The following CAMTA1 variants were observed in gnomAD, a reference collection of about 807,000 sequenced individuals.
CAMTA1 encodes the protein calmodulin-binding transcription activator 1.
CAMTA1 carries 27 observed loss-of-function variants against 170.9 expected under a neutral mutation model. The observed-to-expected ratio is 0.16, with a 90% CI of 0.12 to 0.22. The LOEUF (loss-of-function observed/expected upper bound fraction) is 0.22, where lower values mean the gene tolerates loss of function less well. Among genes scored for constraint, CAMTA1 ranks in the 10% least tolerant of loss-of-function variants. The pLI is 1.00. For missense variants in CAMTA1, 1,619 were observed against 2,217.2 expected, an observed-to-expected ratio of 0.73 and a Z score of 5.42; for synonymous variants, 833 against 891.5, an observed-to-expected ratio of 0.93 and a Z score of 1.17.
intron 3 of CAMTA1, among the ~76,000 whole-genome samples, chr1:6,884,291 G>GACACACACACACACAC (rs112571156): frequency 2.0e-4 from 27 of 136,654 alleles, no homozygotes; most frequent in Admixed American, 1.3e-3. Flanking sequence ...ATTCTCTAGA[G>GACACACACACACACAC]ACACACACAC....
chr1:7,581,102 G>A (rs150571050), intron 6 of CAMTA1, among the ~76,000 whole-genome samples: 5 of 152,300 alleles, frequency 3.3e-5, no homozygotes, highest in Non-Finnish European at 7.4e-5. Context: ...GAGGGCCCCC[G>A]CCCCTCCTCC....
Position 7,737,320 on chromosome 1 carries a change from C to T in CAMTA1, c.3408C>T (p.Ala1136=), listed in dbSNP as rs1163318276. The T allele has an allele frequency of 3.1e-6, 5 of 1,614,100 alleles. No homozygotes were observed. The highest frequency in any genetic ancestry group is 4.2e-6 in the Non-Finnish European group (5 of 1,180,034). The change falls in exon 15 of 23, where the codon GCC becomes GCT. Residue 1136 remains alanine, a synonymous_variant. Transcript: ENST00000303635. ...AVVLYKWDRR[A]ISIPDSLGRL... ...TGCTGTACAAGTGGGACCGTCGGGC[C>T]ATCTCGATTCCCGACTCTCTAGGAA...
Position 7,407,737 on chromosome 1 carries a change from G to A in CAMTA1, c.439-60093G>A, listed in dbSNP as rs1196148994. The stretch of plus-strand genomic sequence containing the variant: ...GCAGGTCTCTGCCAGGCATGTTCAC[G>A]AGGTGCTGCTTGGTTTTAGAAGGGA... On this transcript the variant is annotated intron_variant, in intron 5 of 22. Coordinates refer to ENST00000303635, the MANE Select transcript of CAMTA1 (RefSeq NM_015215.4). Among the ~76,000 whole-genome samples the A allele has an allele frequency of 3.3e-5, 5 of 152,076 alleles. No individual in the cohort carries two copies. The East Asian group carries it at 7.8e-4, about 24-fold the overall frequency.
chr1:7,761,359 A>G (rs961187761), intron 22 of CAMTA1, among the ~76,000 whole-genome samples: 2 of 152,044 alleles, frequency 1.3e-5, no homozygotes, highest in Admixed American at 6.5e-5. Flanking sequence ...CATTGCCTCT[A>G]TGAGCTCAGG....
At chr1:6,874,188 A>T (rs1669174428) in intron 3 of CAMTA1, 1 of 152,260 alleles carries the variant, frequency 6.6e-6, no homozygotes, top group African/African-American at 2.4e-5. Flanking sequence ...GTTGAAACTG[A>T]ACCTCATCCT....
chr1:7,409,331 C>T (rs761863609), intron 5 of CAMTA1, among the ~76,000 whole-genome samples: 32 of 152,212 alleles, frequency 2.1e-4, no homozygotes, highest in Non-Finnish European at 3.2e-4. Flanking sequence ...CCAAGATGTC[C>T]GGAGACCCCT....
At chr1:6,864,336 G>A (rs963535292) in intron 3 of CAMTA1, among the ~76,000 whole-genome samples, 3 of 152,254 alleles carry the variant, frequency 2.0e-5, no homozygotes, top group Admixed American at 6.5e-5. Flanking sequence ...GGTATTGAGC[G>A]ATCTTCTGAC....
At chr1:7,016,610 G>T (rs1172474663) in intron 3 of CAMTA1, among the ~76,000 whole-genome samples, 1 of 152,218 alleles carries the variant, frequency 6.6e-6, no homozygotes, top group African/African-American at 2.4e-5. Context: ...AAGGCAGGTA[G>T]ATCACTTGAG....
At chr1:7,484,777 A>C (rs2093594823) in intron 6 of CAMTA1, among the ~76,000 whole-genome samples, 1 of 151,758 alleles carries the variant, frequency 6.6e-6, no homozygotes, top group Non-Finnish European at 1.5e-5. Context: ...CGACAGAGCG[A>C]GACTATGTCT....
rs1392448287 is a variant in CAMTA1 at position 7,558,983 on chromosome 1, C to T, written c.511-81417C>T. On this transcript the variant is annotated intron_variant, in intron 6 of 22. Coordinates refer to ENST00000303635, the MANE Select transcript of CAMTA1 (RefSeq NM_015215.4). ...GCTGGGTCTCGGACCCCCGTCCCCC[C>T]TGCCTGAAGGCCAGGGTCACTTTGG... Among the ~76,000 whole-genome samples, 3 of 152,238 alleles carry T rather than the reference C, an allele frequency of 2.0e-5. No individual in the cohort carries two copies. The East Asian group carries it at 5.8e-4, about 29-fold the overall frequency.
rs1312539228 is a variant in CAMTA1 at position 7,685,602 on chromosome 1, C to G, written c.2914+7869C>G. On this transcript the variant is annotated intron_variant, in intron 11 of 22. Transcript: ENST00000303635. The surrounding 1 kb of genome is among the most constrained non-coding windows in gnomAD (Gnocchi z 5.7). ...CTCCTCAGTCTCCAAGCTTCTCCTT[C>G]CAAAATTCTCTGTCATGTCCCCATG... is the stretch of plus-strand genomic sequence containing the variant. Among the ~76,000 whole-genome samples, 1 of 152,184 alleles carries G rather than the reference C, an allele frequency of 6.6e-6. No individual in the cohort carries two copies. The highest frequency in any genetic ancestry group is 2.4e-5 in the African/African-American group (1 of 41,440).
chr1:7,028,785 A>G (rs1314777607), intron 3 of CAMTA1, among the ~76,000 whole-genome samples: 1 of 152,220 alleles, frequency 6.6e-6, no homozygotes, highest in East Asian at 1.9e-4. Flanking sequence ...TGTCAGAGGT[A>G]GGTGGATAGG....
At chr1:7,256,181 C>A (rs1667334811) in intron 5 of CAMTA1, among the ~76,000 whole-genome samples, 1 of 152,188 alleles carries the variant, frequency 6.6e-6, no homozygotes. Flanking sequence ...TACTTGGCAT[C>A]CCTGGTGACA....
chr1:7,664,882 G>A lies in CAMTA1; in HGVS notation c.2335G>A (p.Asp779Asn), dbSNP rs2095988092. The A allele has an allele frequency of 3.7e-6, 6 of 1,613,342 alleles. No homozygotes were observed. The highest frequency in any genetic ancestry group is 4.2e-6 in the Non-Finnish European group (5 of 1,180,030). ...CAACCAGTTCTCCGACCTGATCAACGACTTCATCTCCGTGGAGGGGGGCAG... is the reference window on the plus strand; with the variant it reads ...CAACCAGTTCTCCGACCTGATCAACAACTTCATCTCCGTGGAGGGGGGCAG... ...FSNQFSDLIN[D>N]FISVEGGSST... The change falls in exon 9 of 23, where the codon GAC (aspartate) becomes AAC (asparagine). Residue 779 changes from aspartate to asparagine, a missense_variant. Transcript: ENST00000303635.
At chr1:7,371,802 C>T (rs1402808399) in intron 5 of CAMTA1, among the ~76,000 whole-genome samples, 1 of 152,206 alleles carries the variant, frequency 6.6e-6, no homozygotes. Context: ...TCTTCTGGTT[C>T]AGTGGTTCTC....
At chr1:7,079,305 C>G (rs989903811) in intron 3 of CAMTA1, among the ~76,000 whole-genome samples, 4 of 152,106 alleles carry the variant, frequency 2.6e-5, no homozygotes, top group Admixed American at 6.5e-5. Flanking sequence ...AGCCTAAAGC[C>G]TAATGCTCTT....
intron 6 of CAMTA1, among the ~76,000 whole-genome samples, chr1:7,637,539 C>G (rs1469550394): frequency 6.6e-6 from 1 of 152,136 alleles, no homozygotes; most frequent in African/African-American, 2.4e-5. Context: ...CCGTTACCCC[C>G]TCCATGCAAA....
intron 6 of CAMTA1, among the ~76,000 whole-genome samples, chr1:7,542,838 A>AGTGTGTGTGTGT (rs373719721): frequency 1.6e-4 from 9 of 56,022 alleles, no homozygotes; most frequent in African/African-American, 5.5e-4. Flanking sequence ...CCTAAAACAC[A>AGTGTGTGTGTGT]GTGTGTGTGT....
intron 6 of CAMTA1, among the ~76,000 whole-genome samples, chr1:7,533,900 C>T (rs977910189): frequency 6.6e-6 from 1 of 151,866 alleles, no homozygotes; most frequent in African/African-American, 2.4e-5. Context: ...GATGACAGAG[C>T]GAGACCTTGT....
Sources: gnomAD v4.1 joint callset for allele counts (sites outside exome capture counted in the v4.1 genomes callset) on GRCh38, gnomAD v4.1.1 for gene constraint, Gnocchi (gnomAD v3.1) non-coding constraint, MANE v1.5 for transcripts, NCBI Gene and HGNC (gene_info 2026-07-23, HGNC 2026-07-21) for gene names.